Variants in BCAP29 observed in about 807,000 individuals in gnomAD.
BCAP29 encodes B-cell receptor-associated protein 29.
In BCAP29, 34 loss-of-function variants were observed where a neutral mutation model predicts 31.8. The observed-to-expected ratio is 1.07, with a 90% CI of 0.81 to 1.42. The LOEUF is 1.42. Among genes scored for constraint, BCAP29 ranks in the 40% most tolerant of loss-of-function variants. The probability of loss-of-function intolerance (pLI) is 0.00; values close to 1 mark genes in which losing one functional copy is unlikely to be tolerated. For missense variants in BCAP29, 314 were observed against 269.2 expected, an observed-to-expected ratio of 1.17 and a Z score of -1.16; for synonymous variants, 104 against 91.3, an observed-to-expected ratio of 1.14 and a Z score of -0.79.
chr7:107,600,576 TC>T (rs1810990794), intron 6 of BCAP29, 71 bp downstream of exon 6: 1 of 856,414 alleles, frequency 1.2e-6, no homozygotes, highest in South Asian at 1.8e-5. Flanking sequence ...TCACTGTTTT[TC>T]CTAAAACAAA....
rs1264036172 is a variant in BCAP29 at position 107,590,833 on chromosome 7, A to AG, written c.194-3122_194-3121insG. Among the ~76,000 whole-genome samples the AG allele has an allele frequency of 7.8e-4, 108 of 137,860 alleles. 1 individual carries two copies. In the East Asian group the frequency reaches 0.015, roughly 20 times the overall value. The allele number at this position is 137,860 out of a possible 152,430, so 90.4% of individuals were successfully genotyped here. On this transcript the variant is annotated intron_variant, in intron 3 of 7. Transcript: ENST00000005259. ...GACCCTGTCTCAGAAAAAAAAAAAA[A>AG]AAAGAAAGAAAGAAAGAAAGAAATA...
chr7:107,618,702 A>G lies in BCAP29; in HGVS notation c.*339A>G. The G allele has an allele frequency of 2.2e-6, 2 of 904,320 alleles. No individual in the cohort carries two copies. The highest frequency in any genetic ancestry group is 2.0e-5 in the South Asian group (1 of 51,046). The allele number at this position is 904,320 out of a possible 1,614,324, so 56.0% of individuals were successfully genotyped here. On this transcript the variant is annotated 3_prime_UTR_variant, in exon 8 of 8. Coordinates refer to ENST00000005259, the MANE Select transcript of BCAP29 (RefSeq NM_018844.4). ...TAGAAGTTTTAAGTTGCATGAAACC[A>G]TTAATAGCCTTGAAAGCTTTGATAA...
chr7:107,593,827 A>C (rs929990167), intron 3 of BCAP29, 128 bp from the exon 4 acceptor site: 5 of 873,038 alleles, frequency 5.7e-6, no homozygotes, highest in Non-Finnish European at 8.5e-6. Context: ...ACGGAATGAC[A>C]TAAAGGTCGC....
At chr7:107,587,190 A>G (rs1023432671) in intron 3 of BCAP29, among the ~76,000 whole-genome samples, 4 of 152,220 alleles carry the variant, frequency 2.6e-5, no homozygotes, top group African/African-American at 4.8e-5. Flanking sequence ...GCAGAAATGC[A>G]TCCCAGGAAT....
At chr7:107,596,897 C>G (rs1253616861) in intron 5 of BCAP29, among the ~76,000 whole-genome samples, 3 of 152,172 alleles carry the variant, frequency 2.0e-5, no homozygotes, top group Non-Finnish European at 4.4e-5. Flanking sequence ...GTCATGATTA[C>G]CAATTCCTTG....
intron 7 of BCAP29, chr7:107,613,852 A>T (rs1389302604): frequency 1.5e-6 from 1 of 674,622 alleles, no homozygotes; most frequent in Non-Finnish European, 2.5e-6. Flanking sequence ...AGACTTTAGC[A>T]TTCAAATTTA....
chr7:107,603,741 G>A (rs1036397018), intron 6 of BCAP29, among the ~76,000 whole-genome samples: 2 of 151,564 alleles, frequency 1.3e-5, no homozygotes, highest in Non-Finnish European at 2.9e-5. Context: ...GAGTAGCTGG[G>A]ACTACATGTG....
intron 2 of BCAP29, 77 bp downstream of exon 2, chr7:107,580,941 TAA>T: frequency 8.9e-7 from 1 of 1,119,952 alleles, no homozygotes; most frequent in East Asian, 3.0e-5. Context: ...TTCTGAACAT[TAA>T]AAAGTTTCGA....
chr7:107,599,011 T>TTTTA (rs1585129038), intron 5 of BCAP29, among the ~76,000 whole-genome samples: 1 of 128,890 alleles, frequency 7.8e-6, no homozygotes, highest in East Asian at 2.1e-4. Context: ...ATCTACAAAT[T>TTTTA]TATATATATA....
At chr7:107,623,148 C>T (rs1239345787), downstream of BCAP29, 2 of 152,248 alleles carry the variant, frequency 1.3e-5, no homozygotes, top group East Asian at 1.9e-4. Flanking sequence ...GCCATAAGCA[C>T]CACACCTGTC....
intron 3 of BCAP29, among the ~76,000 whole-genome samples, chr7:107,591,596 TTCTC>T (rs991761404): frequency 7.5e-5 from 7 of 93,690 alleles, no homozygotes; most frequent in Non-Finnish European, 1.3e-4. Context: ...CTCTCTCTCT[TTCTC>T]TCTCTGTCTG....
chr7:107,604,524 TAA>T lies in BCAP29; in HGVS notation c.589+4020_589+4021del, dbSNP rs3839818. ...CATATATTCATCTAAAAATAAATTC[TAA>T]GTTTACCCTAAGCATGTTTTACAGT... On this transcript the variant is annotated intron_variant, in intron 6 of 7. Transcript: ENST00000005259. 6.8e-4 allele frequency among the ~76,000 whole-genome samples: 104 copies of T among 152,342 alleles called. 2 individuals are homozygous for T. The East Asian group carries it at 0.018, about 26-fold the overall frequency.
chr7:107,608,945 A>G (rs1812651721), intron 6 of BCAP29, among the ~76,000 whole-genome samples: 2 of 152,342 alleles, frequency 1.3e-5, no homozygotes, highest in East Asian at 1.9e-4. Context: ...ACTAGGCAAT[A>G]TGCTAGGTAC....
At chr7:107,580,711 G>A (rs1318547098) in intron 1 of BCAP29, 48 bp from the exon 2 acceptor site, 1 of 1,388,924 alleles carries the variant, frequency 7.2e-7, no homozygotes, top group African/African-American at 1.5e-5. Flanking sequence ...CCTTGAACCC[G>A]GTTTTGTTTG....
chr7:107,622,526 T>C (rs967850631), downstream of BCAP29: 2 of 152,452 alleles, frequency 1.3e-5, no homozygotes, highest in African/African-American at 4.8e-5. Flanking sequence ...ACATGTTGCA[T>C]CCCAGGCCTG....
intron 6 of BCAP29, among the ~76,000 whole-genome samples, chr7:107,603,750 T>G (rs1157425924): frequency 6.6e-6 from 1 of 151,600 alleles, no homozygotes; most frequent in African/African-American, 2.4e-5. Flanking sequence ...GGACTACATG[T>G]GTGCACCACC....
chr7:107,612,727 A>G (rs946063527), intron 6 of BCAP29, among the ~76,000 whole-genome samples: 1 of 152,104 alleles, frequency 6.6e-6, no homozygotes, highest in Non-Finnish European at 1.5e-5. Flanking sequence ...AAGTGGATGC[A>G]TGACCTGAAT....
At chr7:107,596,594 G>A (rs1266951627) in intron 5 of BCAP29, among the ~76,000 whole-genome samples, 4 of 152,116 alleles carry the variant, frequency 2.6e-5, no homozygotes, top group African/African-American at 7.2e-5. Flanking sequence ...AAAGCACGCA[G>A]CCTTGTATTT....
At chr7:107,613,497 T>C in intron 7 of BCAP29, 65 bp downstream of exon 7, 1 of 1,387,426 alleles carries the variant, frequency 7.2e-7, no homozygotes. Flanking sequence ...AGTAAATTAT[T>C]TGGGTTATTT....
Sources: allele counts gnomAD v4.1 joint callset (sites outside exome capture counted in the v4.1 genomes callset), GRCh38; gene constraint gnomAD v4.1.1; transcripts MANE v1.5; gene names NCBI Gene and HGNC (gene_info 2026-07-23, HGNC 2026-07-21).